The following NCOA2 variants were observed in gnomAD, a reference collection of about 807,000 sequenced individuals.
NCOA2 encodes class E basic helix-loop-helix protein 75.
Under a neutral mutation model 145.1 loss-of-function variants are expected in NCOA2, and 21 were observed. The ratio of observed to expected loss-of-function variants is 0.14; its 90% CI spans 0.10 to 0.21. The LOEUF is 0.21. NCOA2 is among the 10% of genes least tolerant of loss of function. The pLI is 1.00. For missense variants in NCOA2, 1,472 were observed against 1,837.6 expected (o/e 0.80, Z 3.64); for synonymous variants, 619 against 637.5 (o/e 0.97, Z 0.44).
intron 2 of NCOA2, among the ~76,000 whole-genome samples, chr8:70,240,370 A>G (rs1822020518): frequency 6.6e-6 from 1 of 152,162 alleles, no homozygotes. Context: ...CTTCACTATT[A>G]TTGTCATTAT....
chr8:70,296,592 T>C (rs951718540), intron 2 of NCOA2, among the ~76,000 whole-genome samples, 152 bp downstream of exon 2: 5 of 152,210 alleles, frequency 3.3e-5, no homozygotes, highest in Non-Finnish European at 7.4e-5. Context: ...GTAAGGAACT[T>C]TCATAATAAA....
At chr8:70,419,404 T>C in the NCOA2 span, among the ~76,000 whole-genome samples, 1 of 152,178 alleles carries the variant, frequency 6.6e-6, no homozygotes, top group Non-Finnish European at 1.5e-5. Context: ...ATGCATAATC[T>C]GTTTTCTTTA....
chr8:70,447,682 C>CTTTTTTTTTTTTTTTTTTTTTTTTTTTTT, the NCOA2 span, among the ~76,000 whole-genome samples: 1 of 113,092 alleles, frequency 8.8e-6, no homozygotes, highest in Non-Finnish European at 1.7e-5. Context: ...TCTTTGTTTT[C>CTTTTTTTTTTTTTTTTTTTTTTTTTTTTT]TTTTTTTTTT....
At chr8:70,202,583 C>A (rs1433267730) in intron 4 of NCOA2, among the ~76,000 whole-genome samples, 1 of 152,080 alleles carries the variant, frequency 6.6e-6, no homozygotes, top group Non-Finnish European at 1.5e-5. Flanking sequence ...TGTGAAAGAA[C>A]CCCAATCACA....
intron 2 of NCOA2, among the ~76,000 whole-genome samples, chr8:70,237,570 C>T (rs1007036489): frequency 1.3e-5 from 2 of 151,756 alleles, no homozygotes; most frequent in African/African-American, 4.8e-5. Flanking sequence ...TGAGACTAGC[C>T]TGGGCAACAT....
At position 70,256,585 on chromosome 8, in the gene NCOA2, G is replaced by C. The variant is rs1823650991; in HGVS notation, c.-19-39821C>G. Among the ~76,000 whole-genome samples, 3 of 152,062 alleles carry C rather than the reference G, an allele frequency of 2.0e-5. No individual in the cohort carries two copies. The South Asian group carries it at 6.2e-4, about 32-fold the overall frequency. ...GAAGAGAAAGAAAAAAGCAATAAAG[G>C]CATACTATTTTATTATTTTTTAAAT... On this transcript the variant is annotated intron_variant, in intron 2 of 22. Transcript: ENST00000452400.
intron 2 of NCOA2, among the ~76,000 whole-genome samples, chr8:70,272,316 G>T (rs943121907): frequency 6.6e-6 from 1 of 152,182 alleles, no homozygotes; most frequent in Admixed American, 6.5e-5. Context: ...AATTAAGCCA[G>T]ATTCACTCAA....
At chr8:70,265,575 C>T (rs1356357278) in intron 2 of NCOA2, among the ~76,000 whole-genome samples, 2 of 152,274 alleles carry the variant, frequency 1.3e-5, no homozygotes, top group South Asian at 2.1e-4. Flanking sequence ...AGACTATTAT[C>T]CTATATATAA....
intron 2 of NCOA2, among the ~76,000 whole-genome samples, chr8:70,217,403 T>G (rs1819724226): frequency 6.6e-6 from 1 of 152,080 alleles, no homozygotes; most frequent in Non-Finnish European, 1.5e-5. Flanking sequence ...TGCTCCTCCA[T>G]CGGTGCCCTC....
intron 4 of NCOA2, among the ~76,000 whole-genome samples, chr8:70,208,109 T>TAAATATAAG (rs1191438177): frequency 6.6e-6 from 1 of 151,534 alleles, no homozygotes; most frequent in Non-Finnish European, 1.5e-5. Context: ...TAAAATAAAA[T>TAAATATAAG]AAATATAAGA....
At chr8:70,403,586 C>T (rs943094818) in intron 1 of NCOA2, 114 bp downstream of exon 1, 4 of 316,986 alleles carry the variant, frequency 1.3e-5, no homozygotes, top group Non-Finnish European at 2.3e-5. Flanking sequence ...GCGCACGGCT[C>T]TGTCGGAGCT....
chr8:70,254,086 G>C (rs566762736), intron 2 of NCOA2, among the ~76,000 whole-genome samples: 1 of 152,208 alleles, frequency 6.6e-6, no homozygotes, highest in East Asian at 1.9e-4. Flanking sequence ...CAAAGGACTT[G>C]AATACACATT....
At chr8:70,338,573 C>A (rs1375382642) in intron 1 of NCOA2, among the ~76,000 whole-genome samples, 2 of 152,154 alleles carry the variant, frequency 1.3e-5, no homozygotes, top group Non-Finnish European at 2.9e-5. Context: ...AGGGACTCCT[C>A]CCTAACTCAT....
In NCOA2 at chr8:70,111,180, G is replaced by A; in HGVS notation, c.*2452C>T. The A allele has an allele frequency of 4.5e-6, 1 of 222,342 alleles. No homozygotes were observed. Among genetic ancestry groups the A allele is most frequent in the East Asian group, 6.6e-5 (1 of 15,156 alleles). The allele number at this position is 222,342 out of a possible 1,614,324, so 13.8% of individuals were successfully genotyped here. ...GATCACGAATTATTATAAATTACCAGTATCATGAAGTTGCGGATTTGTCTG... is the reference window on the plus strand; with the variant it reads ...GATCACGAATTATTATAAATTACCAATATCATGAAGTTGCGGATTTGTCTG... On this transcript the variant is annotated 3_prime_UTR_variant, in exon 23 of 23. Transcript: ENST00000452400.
intron 2 of NCOA2, among the ~76,000 whole-genome samples, chr8:70,235,952 G>A (rs1033980982): frequency 6.6e-6 from 1 of 152,080 alleles, no homozygotes; most frequent in Non-Finnish European, 1.5e-5. Context: ...ATCCCTACGG[G>A]TTTCCCACAT....
Position 70,111,754 on chromosome 8 carries a change from A to G in NCOA2, c.*1878T>C. 4.6e-6 allele frequency: 1 copy of G among 219,498 alleles called. No individual in the cohort carries two copies. Among genetic ancestry groups the G allele is most frequent in the Non-Finnish European group, 9.1e-6 (1 of 109,514 alleles). 13.6% of individuals were successfully genotyped at this position (219,498 alleles called of 1,614,324 possible). A position where few individuals can be genotyped will look rare whatever the true frequency, so the allele number is the denominator to read the frequency against. On this transcript the variant is annotated 3_prime_UTR_variant, in exon 23 of 23. Coordinates refer to ENST00000452400, the MANE Select transcript of NCOA2 (RefSeq NM_006540.4). ...ACATATAGAGAGAGATATAAGTATA[A>G]ATAGGGGTAGTTTGTACATTTTTCA...
At chr8:70,454,447 C>T in the NCOA2 span, among the ~76,000 whole-genome samples, 1 of 152,246 alleles carries the variant, frequency 6.6e-6, no homozygotes, top group South Asian at 2.1e-4. Flanking sequence ...GGCTATTTGA[C>T]CTTTTTCGGA....
chr8:70,402,953 C>G (rs1337891186), intron 1 of NCOA2, among the ~76,000 whole-genome samples: 1 of 144,814 alleles, frequency 6.9e-6, no homozygotes, highest in Non-Finnish European at 1.5e-5. Context: ...AGCTCCTTCC[C>G]GTCCGCCCGC....
chr8:70,455,706 T>G, the NCOA2 span, among the ~76,000 whole-genome samples: 2 of 151,356 alleles, frequency 1.3e-5, no homozygotes, highest in Non-Finnish European at 2.9e-5. Flanking sequence ...TTGAAAAGGA[T>G]CTCAGATGTT....
Sources: gnomAD v4.1 joint callset for allele counts (sites outside exome capture counted in the v4.1 genomes callset) on GRCh38, gnomAD v4.1.1 for gene constraint, MANE v1.5 for transcripts, NCBI Gene and HGNC (gene_info 2026-07-23, HGNC 2026-07-21) for gene names.